The following WDR73 variants were observed in gnomAD, a reference collection of about 807,000 sequenced individuals.
WDR73 encodes the protein WD repeat domain 73, also known as integrator complex assembly factor WDR73.
WDR73 carries 30 observed loss-of-function variants against 38.2 expected under a neutral mutation model. The ratio of observed to expected loss-of-function variants is 0.79; its 90% confidence interval spans 0.59 to 1.06. The LOEUF (loss-of-function observed/expected upper bound fraction) is 1.06. Among genes scored for constraint, WDR73 ranks in the 50% least tolerant of loss-of-function variants. The pLI is 0.00. For synonymous variants in WDR73, 197 were observed against 176.0 expected (o/e 1.12, Z -0.94); for missense variants, 487 against 467.0 (o/e 1.04, Z -0.40).
In WDR73 at chr15:84,647,905, C is replaced by T. The variant is rs1299855787; in HGVS notation, c.337G>A (p.Val113Ile). ...ATTCACTCACCACTGTCCTCTGCAA[C>T]CTGCCACACCTGCAGATAACAACCT... ...LPGCYLQVWQVAEDSDVIKAV... is the reference protein window; with the variant it reads ...LPGCYLQVWQIAEDSDVIKAV... The change falls in exon 5 of 8, where the codon GTT becomes ATT. Residue 113 changes from valine to isoleucine, a missense_variant. Physicochemically the swap from Val to Ile is conservative, Grantham distance 29. Transcript: ENST00000434634. 2 of 1,613,982 alleles carry T rather than the reference C, an allele frequency of 1.2e-6. No homozygotes were observed. Among genetic ancestry groups the T allele is most frequent in the East Asian group, 4.5e-5 (2 of 44,888 alleles).
chr15:84,651,956 C>G (rs1412757347), intron 3 of WDR73, among the ~76,000 whole-genome samples: 1 of 152,184 alleles, frequency 6.6e-6, no homozygotes, highest in Non-Finnish European at 1.5e-5. Flanking sequence ...CAACCTCCGC[C>G]TCCCGGGTTC....
At position 84,643,328 on chromosome 15, in the gene WDR73, G is replaced by A; in HGVS notation, c.*142C>T. On this transcript the variant is annotated 3_prime_UTR_variant, in exon 8 of 8. Transcript: ENST00000434634. Reference sequence around the variant, plus strand: ...TCCTCATTTTACAGATAAGGAAACTGAGGCTAAGTGACGCTGGCAGACTTG... The same window carrying A: ...TCCTCATTTTACAGATAAGGAAACTAAGGCTAAGTGACGCTGGCAGACTTG... The A allele has an allele frequency of 1.0e-6, 1 of 979,822 alleles. No individual in the cohort carries two copies. Among genetic ancestry groups the A allele is most frequent in the Non-Finnish European group, 1.5e-6 (1 of 677,084 alleles). The allele number at this position is 979,822 out of a possible 1,614,324, so 60.7% of individuals were successfully genotyped here.
rs1896200735 is a variant in WDR73, at chr15:84,639,702, A to C, written c.*3768T>G. The stretch of plus-strand genomic sequence containing the variant: ...AGCGAGCTGGAGTGGCAGGCCCTGG[A>C]GGATGAGAAGGTGGCAGGAGTGCAC... On this transcript the variant is annotated 3_prime_UTR_variant, in exon 8 of 8. Transcript: ENST00000434634. 1.3e-5 allele frequency: 2 copies of C among 152,368 alleles called. No homozygotes were observed. Among genetic ancestry groups the C allele is most frequent in the African/African-American group, 4.8e-5 (2 of 41,444 alleles). The allele number at this position is 152,368 out of a possible 1,614,324, so 9.4% of individuals were successfully genotyped here.
At chr15:84,645,329 C>T in intron 7 of WDR73, 142 bp downstream of exon 7, 1 of 1,530,526 alleles carries the variant, frequency 6.5e-7, no homozygotes, top group Non-Finnish European at 8.8e-7. Flanking sequence ...ACTGAAGAAC[C>T]TGGAGAGTTC....
chr15:84,654,117 C>T, intron 1 of WDR73, 117 bp downstream of exon 1: 1 of 1,400,542 alleles, frequency 7.1e-7, no homozygotes, highest in East Asian at 2.3e-5. Context: ...TGGCGAGCCC[C>T]GAGGCCACAG....
In WDR73 at chr15:84,647,550, G is replaced by A. The variant is rs550887234; in HGVS notation, c.352+340C>T. ...TTGCTCTTGTTGCCCAGGCTGGAGT[G>A]CAGTGGCATGATCTCGGCTCACTGT... On this transcript the variant is annotated intron_variant, in intron 5 of 7. Transcript: ENST00000434634. The A allele has an allele frequency of 3.2e-5, 8 of 250,022 alleles. No individual in the cohort carries two copies. In the East Asian group the frequency reaches 7.0e-4, roughly 22 times the overall value. The allele number at this position is 250,022 out of a possible 1,614,324, so 15.5% of individuals were successfully genotyped here. A position where few individuals can be genotyped will look rare whatever the true frequency, so the allele number is the denominator to read the frequency against.
chr15:84,653,788 A>G, intron 1 of WDR73, 89 bp from the exon 2 acceptor site: 1 of 1,040,528 alleles, frequency 9.6e-7, no homozygotes, highest in Non-Finnish European at 1.5e-6. Context: ...TCAGTGGCCC[A>G]AACTCTGGAG....
At position 84,654,281 on chromosome 15, in the gene WDR73, G is replaced by C; in HGVS notation, c.-7C>G. 6.2e-7 allele frequency: 1 copy of C among 1,613,914 alleles called. No homozygotes were observed. Among genetic ancestry groups the C allele is most frequent in the Non-Finnish European group, 8.5e-7 (1 of 1,179,812 alleles). On this transcript the variant is annotated 5_prime_UTR_variant, in exon 1 of 8. Transcript: ENST00000434634. ...AGTCGTCCCCAGGATCCATGGCAAC[G>C]ACCGCTTCCGGCGTCTCACTTCCGC...
In WDR73 at chr15:84,646,071, G is replaced by A. The variant is rs545156859; in HGVS notation, c.517+113C>T. The A allele has an allele frequency of 5.1e-6, 8 of 1,563,274 alleles. No individual in the cohort carries two copies. The South Asian group carries it at 7.1e-5, about 14-fold the overall frequency. ...GGCCAGGGCTTACCTCTTATTCACT[G>A]TGTATCCCCAACACCTGGCACAGAG... On this transcript the variant is annotated intron_variant, in intron 6 of 7. Transcript: ENST00000434634.
chr15:84,644,522 A>G (rs1375581285), intron 7 of WDR73: 1 of 150,636 alleles, frequency 6.6e-6, no homozygotes, highest in Non-Finnish European at 1.5e-5. Context: ...GCCGCAAGCA[A>G]CTAGCTACCA....
At chr15:84,652,852 G>T in intron 2 of WDR73, 50 bp from the exon 3 acceptor site, 1 of 1,139,842 alleles carries the variant, frequency 8.8e-7, no homozygotes, top group South Asian at 1.5e-5. Context: ...AAAGATTGCA[G>T]ACCATGCAAT....
Position 84,643,488 on chromosome 15 carries a change from G to T in WDR73, c.1119C>A (p.Asp373Glu), listed in dbSNP as rs756557732. The change falls in exon 8 of 8, where the codon GAC becomes GAA. Residue 373 changes from aspartate to glutamate, a missense_variant. Physicochemically the swap from Asp to Glu is conservative, Grantham distance 45. Transcript: ENST00000434634. ...DASLHVWDWV[D>E]LCAPR is the part of the protein sequence containing the mutation. ...GCTGGTGTCAGCGGGGGGCACAAAG[G>T]TCCACCCAGTCCCACACATGCAGAG... 4.5e-6 allele frequency: 7 copies of T among 1,559,554 alleles called. No individual in the cohort carries two copies. The South Asian group carries it at 4.7e-5, about 11-fold the overall frequency.
intron 2 of WDR73, chr15:84,653,426 TC>T (rs764535689): frequency 6.3e-6 from 3 of 478,678 alleles, no homozygotes; most frequent in Non-Finnish European, 1.2e-5. Flanking sequence ...TGCCTCGGCC[TC>T]CCAAAGTGCT....
chr15:84,651,441 T>C (rs1440854004), intron 3 of WDR73, among the ~76,000 whole-genome samples: 5 of 151,992 alleles, frequency 3.3e-5, no homozygotes, highest in Non-Finnish European at 7.4e-5. Flanking sequence ...CAAAAAGGAA[T>C]TCAGGAGCAA....
rs975383428 is a variant in WDR73 at position 84,645,845 on chromosome 15, C to A, written c.518-9G>T. On this transcript the variant is annotated splice_polypyrimidine_tract_variant and intron_variant, in intron 6 of 7. Coordinates refer to ENST00000434634, the MANE Select transcript of WDR73 (RefSeq NM_032856.5). ...CTCACTGTCACTGACATCTGGAAGACCGACAGCAAAGGAGACAAGCGGCTG... is the reference window on the plus strand; with the variant it reads ...CTCACTGTCACTGACATCTGGAAGAACGACAGCAAAGGAGACAAGCGGCTG... 3.7e-6 allele frequency: 6 copies of A among 1,613,702 alleles called. No homozygotes were observed. Among genetic ancestry groups the A allele is most frequent in the Non-Finnish European group, 5.1e-6 (6 of 1,179,836 alleles).
In WDR73 at chr15:84,645,515, C is replaced by T. The variant is rs780871970; in HGVS notation, c.839G>A (p.Arg280Gln). Reference protein sequence around the residue: ...SVPSPDPELLRVTWAPGLKNC... With the variant: ...SVPSPDPELLQVTWAPGLKNC... ...CTTCAGGCCTGGGGCCCAAGTCACTCGCAGCAGCTCTGGGTCAGGGCTAGG... is the reference window on the plus strand; with the variant it reads ...CTTCAGGCCTGGGGCCCAAGTCACTTGCAGCAGCTCTGGGTCAGGGCTAGG... The change falls in exon 7 of 8, where the codon CGA (arginine) becomes CAA (glutamine). Residue 280 changes from arginine (R) to glutamine (Q), a missense_variant. Physicochemically the swap from Arg to Gln is conservative, Grantham distance 43 (BLOSUM62 1). Coordinates refer to ENST00000434634, the MANE Select transcript of WDR73 (RefSeq NM_032856.5). The T allele has an allele frequency of 8.1e-6, 13 of 1,612,148 alleles. No homozygotes were observed. Among genetic ancestry groups the T allele is most frequent in the East Asian group, 6.7e-5 (3 of 44,820 alleles).
In WDR73 at chr15:84,648,275, C is replaced by G. The variant is rs147311077; in HGVS notation, c.287+262G>C. The G allele has an allele frequency of 3.5e-4, 202 of 585,476 alleles. 1 individual carries two copies. Among genetic ancestry groups the G allele is most frequent in the African/African-American group, 3.2e-3 (173 of 53,780 alleles). 36.3% of individuals were successfully genotyped at this position (585,476 alleles called of 1,614,324 possible). The stretch of plus-strand genomic sequence containing the variant: ...CCAAGAGCAATAGAAGAGCATCTTT[C>G]TGTCCCGTATCTATTCCCTGGAGCA... On this transcript the variant is annotated intron_variant, in intron 4 of 7. Coordinates refer to ENST00000434634, the MANE Select transcript of WDR73 (RefSeq NM_032856.5).
At position 84,645,406 on chromosome 15, in the gene WDR73, G is replaced by T. The variant is rs73449326; in HGVS notation, c.883+65C>A. On this transcript the variant is annotated intron_variant, in intron 7 of 7. Transcript: ENST00000434634. ...ATCATGGTGCTGGAGGCTCCTTCCTGAGCACCCAACAGTCTCCTGGAAGAA... is the reference window on the plus strand; with the variant it reads ...ATCATGGTGCTGGAGGCTCCTTCCTTAGCACCCAACAGTCTCCTGGAAGAA... The T allele has an allele frequency of 1.8e-3, 2,863 of 1,594,870 alleles. 55 individuals carry two copies. In the African/African-American group the frequency reaches 0.033, roughly 19 times the overall value.
At chr15:84,645,401 T>C (rs1340945743) in intron 7 of WDR73, 70 bp downstream of exon 7, 1 of 1,590,804 alleles carries the variant, frequency 6.3e-7, no homozygotes. Flanking sequence ...TGGAGGCTCC[T>C]TCCTGAGCAC....
Sources: gnomAD v4.1 joint callset for allele counts (sites outside exome capture counted in the v4.1 genomes callset) on GRCh38, gnomAD v4.1.1 for gene constraint, MANE v1.5 for transcripts, NCBI Gene and HGNC (gene_info 2026-07-23, HGNC 2026-07-21) for gene names.